HOXA3: variants seen among roughly 807,000 people sequenced by gnomAD.
HOXA3 encodes homeobox A3, also known as homeobox protein Hox-A3.
Under a neutral mutation model 30.3 loss-of-function variants are expected in HOXA3, and 8 were observed. The observed-to-expected ratio is 0.26, with a 90% CI of 0.15 to 0.48. The LOEUF is 0.48. Among genes scored for constraint, HOXA3 ranks in the 20% least tolerant of loss-of-function variants. The pLI is 0.99. For synonymous variants in HOXA3, 323 were observed against 273.1 expected (o/e 1.18, Z -1.80); for missense variants, 653 against 614.4 (o/e 1.06, Z -0.66).
chr7:27,136,586 G>C (rs971284812), intron 2 of HOXA3, among the ~76,000 whole-genome samples: 2 of 152,144 alleles, frequency 1.3e-5, no homozygotes, highest in African/African-American at 4.8e-5. Context: ...CTCTGCTGGC[G>C]ATTCCTAGGG....
At chr7:27,109,983 G>T in intron 5 of HOXA3, 132 bp downstream of exon 5, 1 of 1,119,168 alleles carries the variant, frequency 8.9e-7, no homozygotes, top group Non-Finnish European at 1.3e-6. Flanking sequence ...AACCTTTTTG[G>T]TGGGCAGTGG....
chr7:27,149,772 G>A (rs1432187165), intron 1 of HOXA3, among the ~76,000 whole-genome samples: 1 of 152,186 alleles, frequency 6.6e-6, no homozygotes, highest in Non-Finnish European at 1.5e-5. Flanking sequence ...AAAAATAGCT[G>A]TTTGAAGAAA....
chr7:27,121,098 T>C (rs1784983905), intron 4 of HOXA3: 1 of 152,222 alleles, frequency 6.6e-6, no homozygotes, highest in Non-Finnish European at 1.5e-5. Context: ...TAGATATATC[T>C]GTACTCAAAC....
chr7:27,132,108 A>G (rs1785581397), intron 2 of HOXA3, among the ~76,000 whole-genome samples: 1 of 152,250 alleles, frequency 6.6e-6, no homozygotes, highest in Non-Finnish European at 1.5e-5. Context: ...TTTTCTGAGT[A>G]GTAGACATAT....
chr7:27,138,265 A>G (rs1209570010), intron 2 of HOXA3, among the ~76,000 whole-genome samples: 1 of 152,172 alleles, frequency 6.6e-6, no homozygotes, highest in African/African-American at 2.4e-5. Context: ...GAGAAGTAGC[A>G]CTTGTGGGAG....
At chr7:27,148,898 G>T (rs1782878044) in intron 1 of HOXA3, among the ~76,000 whole-genome samples, 1 of 152,266 alleles carries the variant, frequency 6.6e-6, no homozygotes, top group African/African-American at 2.4e-5. Flanking sequence ...AGGGCCCAAG[G>T]CCGCGGGATA....
intron 2 of HOXA3, among the ~76,000 whole-genome samples, chr7:27,138,779 G>C (rs1785793898): frequency 6.6e-6 from 1 of 152,204 alleles, no homozygotes; most frequent in Admixed American, 6.5e-5. Flanking sequence ...GGAAATCATA[G>C]ATTATGTAAA....
In HOXA3 at chr7:27,110,746, C is replaced by A; in HGVS notation, c.-106G>T. 6.5e-7 allele frequency: 1 copy of A among 1,542,212 alleles called. No individual in the cohort carries two copies. The highest frequency in any genetic ancestry group is 2.3e-5 in the East Asian group (1 of 43,668). ...TCACGTGACACTCCGCCGCCAATGG[C>A]CGCCCCGCGCAGACCTGGTGGGGCG... On this transcript the variant is annotated 5_prime_UTR_variant, in exon 5 of 6. Transcript: ENST00000612286.
intron 1 of HOXA3, among the ~76,000 whole-genome samples, chr7:27,144,561 C>T (rs1489309969): frequency 1.3e-5 from 2 of 152,160 alleles, no homozygotes; most frequent in Non-Finnish European, 2.9e-5. Context: ...GCCAGCCGGG[C>T]CCCAAGTCGG....
intron 2 of HOXA3, among the ~76,000 whole-genome samples, chr7:27,137,952 CTT>C (rs60453365): frequency 8.7e-5 from 13 of 150,104 alleles, no homozygotes; most frequent in Non-Finnish European, 1.3e-4. Flanking sequence ...CCCCGTCACT[CTT>C]TTTTTTTTCT....
At chr7:27,141,676 A>G (rs1782573717) in intron 1 of HOXA3, 2 of 835,378 alleles carry the variant, frequency 2.4e-6, no homozygotes, top group Non-Finnish European at 3.7e-6. Context: ...TACAGGCGCT[A>G]TAATGGCAAT....
rs1390467835 is a variant in HOXA3, at chr7:27,108,690, G to A, written c.557C>T (p.Pro186Leu). 14 of 1,606,634 alleles carry A rather than the reference G, an allele frequency of 8.7e-6. No individual in the cohort carries two copies. Among genetic ancestry groups the A allele is most frequent in the Admixed American group, 1.7e-5 (1 of 59,674 alleles). Residue 186 changes from proline to leucine, a missense_variant, in exon 6 of 6, where the codon CCG becomes CTG. Coordinates refer to ENST00000612286, the MANE Select transcript of HOXA3 (RefSeq NM_153631.3). The surrounding 1 kb of genome is among the most constrained non-coding windows in gnomAD (Gnocchi z 5.0). ...CGCGCGCTTGGACGAAGCCTGCCCC[G>A]GCGGGCTCTTGTCGCCAGCGCAGCT... The part of the protein sequence containing the change: ...GESCAGDKSP[P>L]GQASSKRART...
At chr7:27,136,374 C>G (rs970807494) in intron 2 of HOXA3, among the ~76,000 whole-genome samples, 9 of 152,188 alleles carry the variant, frequency 5.9e-5, no homozygotes, top group Non-Finnish European at 1.3e-4. Context: ...CTTGAAATCA[C>G]TCGTGATTCT....
At chr7:27,127,944 GCAAA>G (rs887730186) in intron 2 of HOXA3, among the ~76,000 whole-genome samples, 3 of 152,140 alleles carry the variant, frequency 2.0e-5, no homozygotes, top group African/African-American at 7.2e-5. Context: ...AAACAAACAA[GCAAA>G]CAAACAAAAA....
intron 4 of HOXA3, among the ~76,000 whole-genome samples, chr7:27,112,848 A>G (rs1051165099): frequency 3.3e-5 from 5 of 152,260 alleles, no homozygotes; most frequent in African/African-American, 1.2e-4. Flanking sequence ...ACGTTATACC[A>G]GCCTGCTACT....
chr7:27,113,247 G>T lies in HOXA3; in HGVS notation c.-120-2487C>A, dbSNP rs898700091. Among the ~76,000 whole-genome samples, 1 of 152,212 alleles carries T rather than the reference G, an allele frequency of 6.6e-6. No homozygotes were observed. The highest frequency in any genetic ancestry group is 1.9e-4 in the East Asian group (1 of 5,198). Reference sequence around the variant, plus strand: ...TTGAGTGCAAGAAGCAAGCCCTATTGTCTCTCTGGAAGATGTGCCCAAATT... The same window carrying T: ...TTGAGTGCAAGAAGCAAGCCCTATTTTCTCTCTGGAAGATGTGCCCAAATT... On this transcript the variant is annotated intron_variant, in intron 4 of 5. Transcript: ENST00000612286. The surrounding 1 kb of genome is among the most constrained non-coding windows in gnomAD (Gnocchi z 4.8).
At position 27,108,065 on chromosome 7, in the gene HOXA3, G is replaced by T. The variant is rs199532403; in HGVS notation, c.1182C>A (p.Gly394=). 4 of 1,613,046 alleles carry T rather than the reference G, an allele frequency of 2.5e-6. No individual in the cohort carries two copies. Among genetic ancestry groups the T allele is most frequent in the Non-Finnish European group, 8.5e-7 (1 of 1,179,300 alleles). Residue 394 remains glycine, a synonymous_variant, in exon 6 of 6, where the codon GGC becomes GGA. Coordinates refer to ENST00000612286, the MANE Select transcript of HOXA3 (RefSeq NM_153631.3). This position sits in a 1 kb window ranked among gnomAD's most constrained non-coding sequence, Gnocchi z 5.0. The part of the protein sequence containing the change: ...GLTHLPHAAS[G]AMDYGGAGPL... ...GCCCGGCACCCCCATAGTCCATGGC[G>T]CCCGAGGCAGCGTGGGGGAGGTGAG...
chr7:27,129,168 G>GGAGAA lies in HOXA3; in HGVS notation c.-389-2103_-389-2099dup, dbSNP rs1274235176. 25 of 1,044,726 alleles carry GGAGAA rather than the reference G, an allele frequency of 2.4e-5. No individual in the cohort carries two copies. The East Asian group carries it at 3.1e-4, about 13-fold the overall frequency. The allele number at this position is 1,044,726 out of a possible 1,614,324, so 64.7% of individuals were successfully genotyped here. ...GGAGGGGTGGATGAGGAACGGAGCA[G>GGAGAA]GAGAAGAGAAGAGAAAAGCAGGTAA... On this transcript the variant is annotated intron_variant, in intron 2 of 5. Coordinates refer to ENST00000612286, the MANE Select transcript of HOXA3 (RefSeq NM_153631.3).
chr7:27,130,120 G>C, intron 2 of HOXA3: 2 of 1,599,842 alleles, frequency 1.3e-6, no homozygotes, highest in Non-Finnish European at 1.7e-6. Context: ...CCACGTACCG[G>C]CGCTGACATG....
Sources: gnomAD v4.1 joint callset for allele counts (sites outside exome capture counted in the v4.1 genomes callset) on GRCh38, gnomAD v4.1.1 for gene constraint, Gnocchi (gnomAD v3.1) non-coding constraint, MANE v1.5 for transcripts, NCBI Gene and HGNC (gene_info 2026-07-23, HGNC 2026-07-21) for gene names.